The following TBC1D8B variants were observed in gnomAD, a reference collection of about 807,000 sequenced individuals.
TBC1D8B encodes TBC1 domain family member 8B, also known as RP11-321G1.1.
Under a neutral mutation model 82.9 loss-of-function variants are expected in TBC1D8B, and 75 were observed. The observed-to-expected ratio is 0.90, with a 90% CI of 0.75 to 1.10. The LOEUF is 1.10. Among genes scored for constraint, TBC1D8B ranks in the 50% least tolerant of loss-of-function variants. TBC1D8B has a pLI of 0.00. For synonymous variants in TBC1D8B, 276 were observed against 276.8 expected, an observed-to-expected ratio of 1.00 and a Z score of 0.03; for missense variants, 794 against 796.9, an observed-to-expected ratio of 1.00 and a Z score of 0.04.
chrX:106,864,612 G>A lies in TBC1D8B; in HGVS notation c.2353-947G>A, dbSNP rs184545023. Reference sequence around the variant, plus strand: ...CGGCTCACTGCAACCTCTGCCTCCCGGGTTCAAGTGATTCTTGTGCCTCAG... The same window carrying A: ...CGGCTCACTGCAACCTCTGCCTCCCAGGTTCAAGTGATTCTTGTGCCTCAG... On this transcript the variant is annotated intron_variant, in intron 14 of 20. Transcript: ENST00000357242. 2.1e-4 allele frequency among the ~76,000 whole-genome samples: 21 copies of A among 101,936 alleles called. No individual in the cohort carries two copies. The East Asian group carries it at 5.2e-3, about 25-fold the overall frequency. The allele number at this position is 101,936 out of a possible 115,157, so 88.5% of individuals were successfully genotyped here. A position where few individuals can be genotyped will look rare whatever the true frequency, so the allele number is the denominator to read the frequency against.
intron 20 of TBC1D8B, among the ~76,000 whole-genome samples, chrX:106,873,209 T>C (rs1249961090): frequency 1.8e-5 from 2 of 111,521 alleles, no homozygotes; most frequent in Non-Finnish European, 3.8e-5. Flanking sequence ...GCGATTCTCC[T>C]GCCTCAGCCT....
Position 106,868,545 on chromosome X carries a change from T to C in TBC1D8B, c.2812+69T>C, listed in dbSNP as rs2880012. 39,643 of 742,277 alleles carry C rather than the reference T, an allele frequency of 0.053. 921 individuals are homozygous for C. The highest frequency in any genetic ancestry group is 0.081 in the Admixed American group (1,824 of 22,387). The allele number at this position is 742,277 out of a possible 1,213,427, so 61.2% of individuals were successfully genotyped here. A position where few individuals can be genotyped will look rare whatever the true frequency, so the allele number is the denominator to read the frequency against. Reference sequence around the variant, plus strand: ...CCCATAAAGATCTTGCTGACTTAGATATACTTTACCCAACTAAAATTGGGC... The same window carrying C: ...CCCATAAAGATCTTGCTGACTTAGACATACTTTACCCAACTAAAATTGGGC... On this transcript the variant is annotated intron_variant, in intron 18 of 20. Coordinates refer to ENST00000357242, the MANE Select transcript of TBC1D8B (RefSeq NM_017752.3).
chrX:106,807,934 T>G (rs1931245720), intron 1 of TBC1D8B, among the ~76,000 whole-genome samples: 1 of 109,986 alleles, frequency 9.1e-6, no homozygotes, highest in African/African-American at 3.3e-5. Context: ...GTGCCTGTAG[T>G]CCCAGCTACT....
At chrX:106,843,195 G>A (rs1932358527) in intron 10 of TBC1D8B, among the ~76,000 whole-genome samples, 1 of 111,231 alleles carries the variant, frequency 9.0e-6, no homozygotes, top group South Asian at 3.7e-4. Context: ...TTATTCTTGT[G>A]GGTAAATATC....
rs1481550667 is a variant in TBC1D8B at position 106,831,120 on chromosome X, A to G, written c.1203+3783A>G. The stretch of plus-strand genomic sequence containing the variant: ...ATAGATTGATACAACTTATCAAATT[A>G]TAGCTATTTGTATTTTAATTAAAAT... On this transcript the variant is annotated intron_variant, in intron 7 of 20. Transcript: ENST00000357242. Among the ~76,000 whole-genome samples the G allele has an allele frequency of 8.1e-5, 9 of 111,052 alleles. No individual in the cohort carries two copies. In the Admixed American group the frequency reaches 8.6e-4, roughly 11 times the overall value.
intron 20 of TBC1D8B, among the ~76,000 whole-genome samples, chrX:106,871,769 C>T (rs1225402264): frequency 8.9e-6 from 1 of 111,839 alleles, no homozygotes; most frequent in African/African-American, 3.3e-5. Context: ...TCTTTGAGTT[C>T]GATTAATTTG....
At chrX:106,821,442 T>A (rs922018766) in intron 3 of TBC1D8B, among the ~76,000 whole-genome samples, 2 of 110,702 alleles carry the variant, frequency 1.8e-5, no homozygotes, top group African/African-American at 6.5e-5. Context: ...TAGTTCCTTA[T>A]GAGGCATTCA....
In TBC1D8B at chrX:106,820,945, G is replaced by T; in HGVS notation, c.310G>T (p.Val104Leu). 6.8e-6 allele frequency: 8 copies of T among 1,180,694 alleles called. No individual in the cohort carries two copies. The highest frequency in any genetic ancestry group is 8.0e-6 in the Non-Finnish European group (7 of 878,905). ...LEQNIMKTLS[V>L]FDSNEDITNF... The stretch of plus-strand genomic sequence containing the variant: ...ACAAAATATTATGAAGACCTTATCT[G>T]TATTTGATTCAAATGAAGATATTAC... The change falls in exon 3 of 21, where the codon GTA (valine) becomes TTA (leucine). Residue 104 changes from valine (V) to leucine (L), a missense_variant. By Grantham distance (32) the Val-to-Leu change is conservative (BLOSUM62 1). Coordinates refer to ENST00000357242, the MANE Select transcript of TBC1D8B (RefSeq NM_017752.3).
At position 106,840,731 on chromosome X, in the gene TBC1D8B, A is replaced by T; in HGVS notation, c.1566A>T (p.Leu522Phe). ...DYYTEVVEQS[L>F]GTCNLATEEI... is the part of the protein sequence containing the mutation. ...ATACTGAAGTGGTTGAGCAGTCCTT[A>T]GGGACCTGCAACTTGGCTACTGAAG... The change falls in exon 10 of 21, where the codon TTA becomes TTT. Residue 522 changes from leucine to phenylalanine, a missense_variant. Coordinates refer to ENST00000357242, the MANE Select transcript of TBC1D8B (RefSeq NM_017752.3). The T allele has an allele frequency of 8.3e-7, 1 of 1,211,429 alleles. No individual in the cohort carries two copies. The highest frequency in any genetic ancestry group is 1.1e-6 in the Non-Finnish European group (1 of 895,211).
At chrX:106,830,490 G>A (rs1397254305) in intron 7 of TBC1D8B, among the ~76,000 whole-genome samples, 1 of 110,940 alleles carries the variant, frequency 9.0e-6, no homozygotes. Flanking sequence ...AAAGACACAT[G>A]CACACATATG....
chrX:106,821,607 C>T (rs774567705), intron 3 of TBC1D8B, among the ~76,000 whole-genome samples: 1 of 111,103 alleles, frequency 9.0e-6, no homozygotes, highest in South Asian at 3.8e-4. Flanking sequence ...CTGTAGATAC[C>T]AAAATTCACA....
chrX:106,867,834 A>T (rs1017338449), intron 17 of TBC1D8B, among the ~76,000 whole-genome samples: 2 of 111,696 alleles, frequency 1.8e-5, no homozygotes, highest in African/African-American at 6.5e-5. Flanking sequence ...ACACATCATT[A>T]AAAGCAAAAG....
intron 1 of TBC1D8B, chrX:106,815,230 G>A (rs1931506365): frequency 8.9e-6 from 1 of 112,064 alleles, no homozygotes; most frequent in African/African-American, 3.2e-5. Flanking sequence ...TGTATAAGGT[G>A]TAAGGAAGGG....
rs867156104 is a variant in TBC1D8B, at chrX:106,862,782, T to G, written c.2353-2777T>G. ...TTTGGATGGGTTTTTTTTTGTTTTT[T>G]TTTTTTTTTTTTTTTTTTTTGCTTT... On this transcript the variant is annotated intron_variant, in intron 14 of 20. Coordinates refer to ENST00000357242, the MANE Select transcript of TBC1D8B (RefSeq NM_017752.3). Among the ~76,000 whole-genome samples, 35 of 94,088 alleles carry G rather than the reference T, an allele frequency of 3.7e-4. No homozygotes were observed. The East Asian group carries it at 6.2e-3, about 17-fold the overall frequency. The allele number at this position is 94,088 out of a possible 115,157, so 81.7% of individuals were successfully genotyped here. A position where few individuals can be genotyped will look rare whatever the true frequency, so the allele number is the denominator to read the frequency against.
chrX:106,859,771 G>T (rs1243897623), intron 14 of TBC1D8B, among the ~76,000 whole-genome samples: 1 of 111,315 alleles, frequency 9.0e-6, no homozygotes, highest in Admixed American at 9.6e-5. Flanking sequence ...CTTGTCTTCT[G>T]GTTCTCAAGG....
Position 106,875,129 on chromosome X carries a change from TAC to T in TBC1D8B, c.*1165_*1166del, listed in dbSNP as rs1297655322. On this transcript the variant is annotated 3_prime_UTR_variant, in exon 21 of 21. Transcript: ENST00000357242. The stretch of plus-strand genomic sequence containing the variant: ...TTTCAAAAAAAAAAAAAGCAAACCA[TAC>T]TTGTCCACTGTCCTGTGCTATTCCT... 1 of 110,972 alleles carries T rather than the reference TAC, an allele frequency of 9.0e-6. No individual in the cohort carries two copies. The highest frequency in any genetic ancestry group is 3.3e-5 in the African/African-American group (1 of 30,511). The allele number at this position is 110,972 out of a possible 1,213,427, so 9.1% of individuals were successfully genotyped here.
chrX:106,831,857 T>A (rs1272137772), intron 7 of TBC1D8B, among the ~76,000 whole-genome samples: 8 of 111,594 alleles, frequency 7.2e-5, no homozygotes, highest in African/African-American at 2.6e-4. Flanking sequence ...TAAATTGCCA[T>A]AATATTCTGT....
chrX:106,818,937 G>A (rs906597794), intron 2 of TBC1D8B, among the ~76,000 whole-genome samples, 164 bp downstream of exon 2: 3 of 106,068 alleles, frequency 2.8e-5, no homozygotes, highest in Non-Finnish European at 5.7e-5. Context: ...AAGGATATGG[G>A]TTATTAAGTT....
At chrX:106,811,592 C>G (rs1022583416) in intron 1 of TBC1D8B, among the ~76,000 whole-genome samples, 2 of 111,664 alleles carry the variant, frequency 1.8e-5, no homozygotes, top group Non-Finnish European at 3.8e-5. Flanking sequence ...ATTAGTTGCT[C>G]TCTTGTTTTA....
Sources: gnomAD v4.1 joint callset for allele counts (sites outside exome capture counted in the v4.1 genomes callset) on GRCh38, gnomAD v4.1.1 for gene constraint, MANE v1.5 for transcripts, NCBI Gene and HGNC (gene_info 2026-07-23, HGNC 2026-07-21) for gene names.